The following ZBTB41 variants were observed in gnomAD, a reference collection of about 807,000 sequenced individuals.
ZBTB41 encodes the protein zinc finger and BTB domain-containing protein 41.
A neutral mutation model predicts 87.6 loss-of-function variants in ZBTB41; 42 were observed. The observed-to-expected ratio is 0.48, with a 90% confidence interval of 0.37 to 0.62. The LOEUF (loss-of-function observed/expected upper bound fraction) is 0.62. Among genes scored for constraint, ZBTB41 ranks in the 20% least tolerant of loss-of-function variants. The probability of loss-of-function intolerance (pLI) is 0.00; values close to 1 mark genes in which losing one functional copy is unlikely to be tolerated. For synonymous variants in ZBTB41, 364 were observed against 364.0 expected (o/e 1.00, Z 0.00); for missense variants, 799 against 1,078.9 (o/e 0.74, Z 3.63).
Position 197,158,055 on chromosome 1 carries a change from TA to T in ZBTB41, c.*1303del, listed in dbSNP as rs1659113436. 6.6e-6 allele frequency: 1 copy of T among 152,408 alleles called. No homozygotes were observed. Among genetic ancestry groups the T allele is most frequent in the Admixed American group, 6.6e-5 (1 of 15,242 alleles). 9.4% of individuals were successfully genotyped at this position (152,408 alleles called of 1,614,324 possible). On this transcript the variant is annotated 3_prime_UTR_variant, in exon 11 of 11. Coordinates refer to ENST00000367405, the MANE Select transcript of ZBTB41 (RefSeq NM_194314.3). ...TAGTCTAATCTTCAAGCAACTCTAC[TA>T]GGAAACATTATCTTAGTTTTTAGTT...
chr1:197,179,241 G>A (rs1659683756), intron 6 of ZBTB41, among the ~76,000 whole-genome samples: 1 of 152,086 alleles, frequency 6.6e-6, no homozygotes, highest in Admixed American at 6.6e-5. Context: ...ACTGCATAAT[G>A]ACATTTCAAT....
chr1:197,183,017 C>CTA (rs970904916), intron 5 of ZBTB41, among the ~76,000 whole-genome samples: 2 of 151,866 alleles, frequency 1.3e-5, no homozygotes, highest in African/African-American at 4.8e-5. Flanking sequence ...GAAGCTCTCT[C>CTA]TATATATATA....
Position 197,154,698 on chromosome 1 carries a change from C to CA in ZBTB41, c.*4660dup, listed in dbSNP as rs1293865269. On this transcript the variant is annotated 3_prime_UTR_variant, in exon 11 of 11. Transcript: ENST00000367405. ...TCTACCCTCAAAACAAACAAACAAA[C>CA]AAAAAACCCCACATTAGAGAAATGT... 2.0e-5 allele frequency: 3 copies of CA among 152,134 alleles called. No homozygotes were observed. The highest frequency in any genetic ancestry group is 4.4e-5 in the Non-Finnish European group (3 of 67,818). The allele number at this position is 152,134 out of a possible 1,614,324, so 9.4% of individuals were successfully genotyped here. A position where few individuals can be genotyped will look rare whatever the true frequency, so the allele number is the denominator to read the frequency against.
At chr1:197,184,883 T>C (rs1320271479) in intron 5 of ZBTB41, among the ~76,000 whole-genome samples, 1 of 152,072 alleles carries the variant, frequency 6.6e-6, no homozygotes, top group Non-Finnish European at 1.5e-5. Flanking sequence ...AGCGCGATCT[T>C]GACTCACCAC....
intron 10 of ZBTB41, among the ~76,000 whole-genome samples, chr1:197,164,799 AATATATTAT>A (rs1387353808): frequency 9.6e-5 from 5 of 52,012 alleles, no homozygotes; most frequent in African/African-American, 4.2e-4. Flanking sequence ...ATACATATAT[AATATATTAT>A]ATATATTATA....
At chr1:197,198,747 C>T (rs1660227463) in intron 2 of ZBTB41, among the ~76,000 whole-genome samples, 1 of 152,066 alleles carries the variant, frequency 6.6e-6, no homozygotes, top group African/African-American at 2.4e-5. Context: ...TTATAACAAC[C>T]AAAGCTTCTT....
intron 2 of ZBTB41, among the ~76,000 whole-genome samples, chr1:197,198,724 G>A (rs1055574876): frequency 6.6e-6 from 1 of 152,102 alleles, no homozygotes. Flanking sequence ...AAAAAAAGTT[G>A]ATGTATTCAT....
chr1:197,160,069 A>G, intron 10 of ZBTB41, 55 bp from the exon 11 acceptor site: 1 of 1,417,178 alleles, frequency 7.1e-7, no homozygotes. Flanking sequence ...ACTTGATAAG[A>G]CAATGACTTC....
chr1:197,175,431 A>AATATATATATATAT (rs67302873), intron 8 of ZBTB41, among the ~76,000 whole-genome samples: 1,003 of 71,574 alleles, frequency 0.014, 78 homozygotes, highest in African/African-American at 0.026. Context: ...AGGAATTTTA[A>AATATATATATATAT]ATATATATAT....
chr1:197,190,398 G>C (rs2125137987), intron 4 of ZBTB41, among the ~76,000 whole-genome samples: 1 of 152,258 alleles, frequency 6.6e-6, no homozygotes, highest in Non-Finnish European at 1.5e-5. Flanking sequence ...AGTTATTTAA[G>C]GCCACTAAGT....
chr1:197,161,525 G>A (rs1659198786), intron 10 of ZBTB41, among the ~76,000 whole-genome samples: 1 of 151,962 alleles, frequency 6.6e-6, no homozygotes, highest in Non-Finnish European at 1.5e-5. Flanking sequence ...TAGACAGATT[G>A]GGAGGCTGAT....
At position 197,175,191 on chromosome 1, in the gene ZBTB41, AG is replaced by A. The variant is rs150674846; in HGVS notation, c.1880-77del. 2,816 of 1,231,350 alleles carry A rather than the reference AG, an allele frequency of 2.3e-3. 45 individuals are homozygous for A. The African/African-American group carries it at 0.034, about 15-fold the overall frequency. 76.3% of individuals were successfully genotyped at this position (1,231,350 alleles called of 1,614,324 possible). A position where few individuals can be genotyped will look rare whatever the true frequency, so the allele number is the denominator to read the frequency against. Reference sequence around the variant, plus strand: ...TATCCCCAGAAACAAACTATCAAACAGTAAGATCACATGATGTCAAATATAA... The same window carrying A: ...TATCCCCAGAAACAAACTATCAAACATAAGATCACATGATGTCAAATATAA... On this transcript the variant is annotated intron_variant, in intron 8 of 10. Transcript: ENST00000367405.
At chr1:197,180,881 T>C (rs1367528794) in intron 6 of ZBTB41, 107 bp downstream of exon 6, 13 of 1,204,846 alleles carry the variant, frequency 1.1e-5, no homozygotes, top group African/African-American at 1.6e-5. Flanking sequence ...AAAGCACAAT[T>C]CATGCATTTT....
In ZBTB41 at chr1:197,159,247, G is replaced by T; in HGVS notation, c.*112C>A. The T allele has an allele frequency of 2.9e-6, 3 of 1,029,786 alleles. No homozygotes were observed. The highest frequency in any genetic ancestry group is 4.3e-6 in the Non-Finnish European group (3 of 702,190). The allele number at this position is 1,029,786 out of a possible 1,614,324, so 63.8% of individuals were successfully genotyped here. A position where few individuals can be genotyped will look rare whatever the true frequency, so the allele number is the denominator to read the frequency against. The stretch of plus-strand genomic sequence containing the variant: ...TTTTCTTGATTTGAAACTGTTCTGA[G>T]GACTTGAGAAACTAGAGAAAACAAG... On this transcript the variant is annotated 3_prime_UTR_variant, in exon 11 of 11. Coordinates refer to ENST00000367405, the MANE Select transcript of ZBTB41 (RefSeq NM_194314.3).
rs1659034014 is a variant in ZBTB41, at chr1:197,155,117, C to T, written c.*4242G>A. On this transcript the variant is annotated 3_prime_UTR_variant, in exon 11 of 11. Transcript: ENST00000367405. ...TTTAAAAGACAGAGAAACAGAGACA[C>T]AGATGCAGACACACTACTCATTTTA... is the stretch of plus-strand genomic sequence containing the variant. 6.6e-6 allele frequency: 1 copy of T among 152,340 alleles called. No homozygotes were observed. Among genetic ancestry groups the T allele is most frequent in the Admixed American group, 6.6e-5 (1 of 15,236 alleles). 9.4% of individuals were successfully genotyped at this position (152,340 alleles called of 1,614,324 possible).
intron 5 of ZBTB41, among the ~76,000 whole-genome samples, chr1:197,187,819 A>C (rs535946973): frequency 3.3e-5 from 5 of 152,346 alleles, no homozygotes; most frequent in South Asian, 4.1e-4. Context: ...GGTATCTAAA[A>C]AAAATGAACC....
At position 197,155,400 on chromosome 1, in the gene ZBTB41, C is replaced by T. The variant is rs1659042591; in HGVS notation, c.*3959G>A. The T allele has an allele frequency of 6.6e-6, 1 of 151,736 alleles. No homozygotes were observed. Among genetic ancestry groups the T allele is most frequent in the African/African-American group, 2.4e-5 (1 of 41,258 alleles). The allele number at this position is 151,736 out of a possible 1,614,324, so 9.4% of individuals were successfully genotyped here. On this transcript the variant is annotated 3_prime_UTR_variant, in exon 11 of 11. Transcript: ENST00000367405. ...AAAAATAAAAATCTATTAATCAGTA[C>T]AATCTAGCCAGCAGAATCAACTCTA... is the stretch of plus-strand genomic sequence containing the variant.
intron 5 of ZBTB41, among the ~76,000 whole-genome samples, chr1:197,183,852 CAT>C (rs1659817063): frequency 6.6e-6 from 1 of 152,144 alleles, no homozygotes; most frequent in Non-Finnish European, 1.5e-5. Context: ...CTTAACAAGT[CAT>C]AAAAATCTTC....
intron 5 of ZBTB41, among the ~76,000 whole-genome samples, chr1:197,187,832 CA>C (rs1421445188): frequency 6.6e-6 from 1 of 151,996 alleles, no homozygotes; most frequent in Non-Finnish European, 1.5e-5. Flanking sequence ...AATGAACCAA[CA>C]AACAAAATAC....
Sources: gnomAD v4.1 joint callset for allele counts (sites outside exome capture counted in the v4.1 genomes callset) on GRCh38, gnomAD v4.1.1 for gene constraint, MANE v1.5 for transcripts, NCBI Gene and HGNC (gene_info 2026-07-23, HGNC 2026-07-21) for gene names.